The following TRPA1 variants were observed in gnomAD, a reference collection of about 807,000 sequenced individuals.
The protein encoded by TRPA1 is ankyrin-like with transmembrane domains 1.
A neutral mutation model predicts 131.3 loss-of-function variants in TRPA1; 129 were observed. The ratio of observed to expected loss-of-function variants is 0.98; its 90% CI spans 0.85 to 1.14. The LOEUF (loss-of-function observed/expected upper bound fraction) is 1.14. TRPA1 is among the 50% of genes most tolerant of loss of function. The probability of loss-of-function intolerance (pLI) is 0.00; values close to 1 mark genes in which losing one functional copy is unlikely to be tolerated. For missense variants in TRPA1, 1,304 were observed against 1,354.2 expected (o/e 0.96, Z 0.58); for synonymous variants, 441 against 451.7 (o/e 0.98, Z 0.30).
In TRPA1 at chr8:72,065,561, A is replaced by G. The variant is rs1375745961; in HGVS notation, c.445-3T>C. 6.2e-7 allele frequency: 1 copy of G among 1,608,260 alleles called. No homozygotes were observed. Among genetic ancestry groups the G allele is most frequent in the Admixed American group, 1.7e-5 (1 of 59,870 alleles). On this transcript the variant is annotated splice_region_variant and splice_polypyrimidine_tract_variant and intron_variant, in intron 3 of 26. Transcript: ENST00000262209. The stretch of plus-strand genomic sequence containing the variant: ...ATAGTTCTATGCTCAAGCAAGACCT[A>G]AAAAAAGGGGAGAATAATTGTCAAA...
At chr8:72,084,994 G>A in the TRPA1 span, among the ~76,000 whole-genome samples, 2 of 152,022 alleles carry the variant, frequency 1.3e-5, no homozygotes, top group Non-Finnish European at 2.9e-5. Context: ...TCTCATCAGT[G>A]TTGAAAAAGC....
intron 23 of TRPA1, among the ~76,000 whole-genome samples, chr8:72,032,935 C>T (rs1393420485): frequency 1.3e-5 from 2 of 152,190 alleles, no homozygotes; most frequent in Non-Finnish European, 2.9e-5. Context: ...ACAGGCACAA[C>T]GATGCCAATA....
rs1812121487 is a variant in TRPA1 at position 72,038,195 on chromosome 8, C to T, written c.2296-123G>A. The T allele has an allele frequency of 3.5e-5, 20 of 574,376 alleles. No homozygotes were observed. In the South Asian group the frequency reaches 4.5e-4, roughly 13 times the overall value. The allele number at this position is 574,376 out of a possible 1,614,324, so 35.6% of individuals were successfully genotyped here. ...TTGCTTAATTTCTATATACTGTCCACTTTGAGTTAAACAGAAAATTTAACT... is the reference window on the plus strand; with the variant it reads ...TTGCTTAATTTCTATATACTGTCCATTTTGAGTTAAACAGAAAATTTAACT... On this transcript the variant is annotated intron_variant, in intron 19 of 26. Coordinates refer to ENST00000262209, the MANE Select transcript of TRPA1 (RefSeq NM_007332.3).
intron 14 of TRPA1, among the ~76,000 whole-genome samples, chr8:72,051,298 T>C (rs977216533): frequency 6.6e-6 from 1 of 152,218 alleles, no homozygotes. Flanking sequence ...GTGTACATCC[T>C]GTATTGAGTT....
At chr8:72,068,840 A>C (rs1805988551) in intron 3 of TRPA1, among the ~76,000 whole-genome samples, 183 bp downstream of exon 3, 1 of 152,196 alleles carries the variant, frequency 6.6e-6, no homozygotes, top group Admixed American at 6.6e-5. Context: ...CTATTCAATA[A>C]AGTCAAAACT....
chr8:72,080,777 T>G, the TRPA1 span, among the ~76,000 whole-genome samples: 1 of 151,784 alleles, frequency 6.6e-6, no homozygotes, highest in South Asian at 2.1e-4. Flanking sequence ...TTTTGGTAAT[T>G]TGTTGAGAAG....
Position 72,055,561 on chromosome 8 carries a change from G to C in TRPA1, c.1404C>G (p.Asp468Glu), listed in dbSNP as rs759885961. 2.9e-5 allele frequency: 47 copies of C among 1,613,478 alleles called. No homozygotes were observed. The highest frequency in any genetic ancestry group is 5.0e-5 in the Admixed American group (3 of 59,920). The change falls in exon 12 of 27, where the codon GAC becomes GAG. Residue 468 changes from aspartate (D) to glutamate (E), a missense_variant. By Grantham distance (45) the Asp-to-Glu change is conservative. Transcript: ENST00000262209. The stretch of plus-strand genomic sequence containing the variant: ...CATTCAGAAGCCTCGTATCACTTAT[G>C]TCTTGTAGGAGCCTCTGACAGGTAT... ...RINTCQRLLQ[D>E]ISDTRLLNEG...
chr8:72,085,559 A>G, the TRPA1 span, among the ~76,000 whole-genome samples: 1 of 152,058 alleles, frequency 6.6e-6, no homozygotes, highest in Non-Finnish European at 1.5e-5. Flanking sequence ...TTTACTAGAT[A>G]TTAACACTGC....
intron 8 of TRPA1, among the ~76,000 whole-genome samples, chr8:72,058,649 C>T (rs979674241): frequency 1.3e-5 from 2 of 152,230 alleles, no homozygotes; most frequent in Non-Finnish European, 2.9e-5. Context: ...GGAAACCATG[C>T]ATGACTATGG....
intron 1 of TRPA1, among the ~76,000 whole-genome samples, chr8:72,072,856 A>G (rs113126005): frequency 0.011 from 1,732 of 152,312 alleles, 33 homozygotes; most frequent in African/African-American, 0.04. Flanking sequence ...CTAGGTTCAG[A>G]TGCTCACAAG....
At chr8:72,082,580 T>C in the TRPA1 span, among the ~76,000 whole-genome samples, 1 of 152,118 alleles carries the variant, frequency 6.6e-6, no homozygotes, top group Non-Finnish European at 1.5e-5. Flanking sequence ...TACTTTTTGC[T>C]GGATATAGAA....
chr8:72,049,955 A>AT (rs1200494598), intron 15 of TRPA1, among the ~76,000 whole-genome samples: 5 of 151,076 alleles, frequency 3.3e-5, no homozygotes, highest in South Asian at 4.2e-4. Flanking sequence ...TTTAATTTTT[A>AT]TTTTTTTACC....
intron 5 of TRPA1, among the ~76,000 whole-genome samples, 184 bp downstream of exon 5, chr8:72,063,279 C>T (rs1237770116): frequency 6.6e-6 from 1 of 151,930 alleles, no homozygotes; most frequent in Non-Finnish European, 1.5e-5. Flanking sequence ...ACTCAGGAGG[C>T]TGAGGCAGGA....
intron 15 of TRPA1, among the ~76,000 whole-genome samples, chr8:72,048,158 G>A (rs1454830117): frequency 6.6e-6 from 1 of 152,136 alleles, no homozygotes; most frequent in East Asian, 1.9e-4. Flanking sequence ...CCTCTATGGT[G>A]TGTGGGAACA....
rs139664331 is a variant in TRPA1 at position 72,021,851 on chromosome 8, A to C, written c.*1055T>G. ...AAAAAATAGGAAATAAGTGAGAATT[A>C]TAAGAGAAATAAGAAGCAAAAACAG... On this transcript the variant is annotated 3_prime_UTR_variant, in exon 27 of 27. Coordinates refer to ENST00000262209, the MANE Select transcript of TRPA1 (RefSeq NM_007332.3). 2.0e-5 allele frequency: 3 copies of C among 152,226 alleles called. No homozygotes were observed. The highest frequency in any genetic ancestry group is 4.4e-5 in the Non-Finnish European group (3 of 68,020). 9.4% of individuals were successfully genotyped at this position (152,226 alleles called of 1,614,324 possible).
At position 72,045,871 on chromosome 8, in the gene TRPA1, G is replaced by A. The variant is rs547769972; in HGVS notation, c.2061+642C>T. 9.9e-5 allele frequency among the ~76,000 whole-genome samples: 15 copies of A among 152,070 alleles called. No homozygotes were observed. The South Asian group carries it at 2.9e-3, about 29-fold the overall frequency. ...CATAAAAGCATCTTTTTAAATAATAGCTACTTTTTAAAAGGTTTCTTGGGA... is the reference window on the plus strand; with the variant it reads ...CATAAAAGCATCTTTTTAAATAATAACTACTTTTTAAAAGGTTTCTTGGGA... On this transcript the variant is annotated intron_variant, in intron 17 of 26. Transcript: ENST00000262209.
chr8:72,032,863 TAGTC>T (rs1811882742), intron 23 of TRPA1, among the ~76,000 whole-genome samples: 1 of 152,214 alleles, frequency 6.6e-6, no homozygotes, highest in Non-Finnish European at 1.5e-5. Flanking sequence ...CTCTGGTACA[TAGTC>T]AGACTCAGAG....
rs192961144 is a variant in TRPA1 at position 72,032,901 on chromosome 8, C to T, written c.2868+743G>A. Among the ~76,000 whole-genome samples the T allele has an allele frequency of 1.4e-3, 210 of 152,224 alleles. 1 individual carries two copies. Among genetic ancestry groups the T allele is most frequent in the Non-Finnish European group, 2.0e-3 (138 of 68,020 alleles). Reference sequence around the variant, plus strand: ...AGAAATTGTGTGGAATATGTGCATGCGTGCATAAATGGATAAAGGAAAAAC... The same window carrying T: ...AGAAATTGTGTGGAATATGTGCATGTGTGCATAAATGGATAAAGGAAAAAC... On this transcript the variant is annotated intron_variant, in intron 23 of 26. Transcript: ENST00000262209.
At chr8:72,033,489 T>C (rs1254970756) in intron 23 of TRPA1, among the ~76,000 whole-genome samples, 155 bp downstream of exon 23, 4 of 152,186 alleles carry the variant, frequency 2.6e-5, no homozygotes, top group Non-Finnish European at 4.4e-5. Flanking sequence ...TGCCTGGTGC[T>C]CCCCAGGCAC....
Sources: gnomAD v4.1 joint callset for allele counts (sites outside exome capture counted in the v4.1 genomes callset) on GRCh38, gnomAD v4.1.1 for gene constraint, MANE v1.5 for transcripts, NCBI Gene and HGNC (gene_info 2026-07-23, HGNC 2026-07-21) for gene names.